Variants in ASTN2 observed in about 807,000 individuals in gnomAD.
ASTN2 encodes astrotactin-2.
ASTN2 carries 54 observed loss-of-function variants against 139.8 expected under a neutral mutation model. That is an observed-to-expected ratio of 0.39 (90% CI 0.31 to 0.48). The LOEUF is 0.48. ASTN2 is among the 20% of genes least tolerant of loss of function. The probability of loss-of-function intolerance (pLI) is 0.95; values close to 1 mark genes in which losing one functional copy is unlikely to be tolerated. For missense variants in ASTN2, 1,565 were observed against 1,725.1 expected, an observed-to-expected ratio of 0.91 and a Z score of 1.64; for synonymous variants, 756 against 719.5, an observed-to-expected ratio of 1.05 and a Z score of -0.81.
chr9:116,790,051 G>A (rs190066146), intron 13 of ASTN2, among the ~76,000 whole-genome samples: 80 of 149,118 alleles, frequency 5.4e-4, no homozygotes, highest in African/African-American at 1.8e-3. Context: ...TCAGCCTCCC[G>A]AGTAGTTTGG....
intron 20 of ASTN2, among the ~76,000 whole-genome samples, chr9:116,455,499 C>T (rs1848306959): frequency 6.6e-6 from 1 of 151,448 alleles, no homozygotes; most frequent in Non-Finnish European, 1.5e-5. Context: ...TACTAGTGTC[C>T]AAAAAGAAAT....
At chr9:117,298,717 TG>T (rs1834801688) in intron 1 of ASTN2, among the ~76,000 whole-genome samples, 1 of 144,698 alleles carries the variant, frequency 6.9e-6, no homozygotes, top group Non-Finnish European at 1.5e-5. Context: ...TGTGTGTGTG[TG>T]TGTGTGTGTG....
intron 19 of ASTN2, among the ~76,000 whole-genome samples, chr9:116,536,347 C>G (rs1277162773): frequency 2.6e-5 from 4 of 152,090 alleles, no homozygotes; most frequent in African/African-American, 9.7e-5. Flanking sequence ...AAGCCTTCTT[C>G]TCTCAACTCC....
intron 20 of ASTN2, among the ~76,000 whole-genome samples, chr9:116,484,538 A>T (rs1849277535): frequency 6.6e-6 from 1 of 152,168 alleles, no homozygotes; most frequent in Admixed American, 6.5e-5. Flanking sequence ...CTGACACTGG[A>T]ACTATTTTAA....
intron 11 of ASTN2, among the ~76,000 whole-genome samples, chr9:116,843,813 C>T (rs1456868013): frequency 1.3e-5 from 2 of 152,134 alleles, no homozygotes; most frequent in African/African-American, 4.8e-5. Context: ...TTATTGGGCA[C>T]TACGCTTAGT....
chr9:116,682,810 G>A (rs1367160650), intron 16 of ASTN2, among the ~76,000 whole-genome samples: 1 of 152,008 alleles, frequency 6.6e-6, no homozygotes, highest in South Asian at 2.1e-4. Context: ...CTCACTCATA[G>A]GTGGGAATTG....
intron 20 of ASTN2, among the ~76,000 whole-genome samples, chr9:116,482,147 A>T (rs1303681763): frequency 6.6e-6 from 1 of 152,164 alleles, no homozygotes; most frequent in Non-Finnish European, 1.5e-5. Context: ...TAACACGGTG[A>T]AACCCTGTCT....
intron 16 of ASTN2, among the ~76,000 whole-genome samples, chr9:116,671,019 C>A (rs913718889): frequency 2.6e-5 from 4 of 152,148 alleles, no homozygotes; most frequent in African/African-American, 9.6e-5. Flanking sequence ...GACATTTTTG[C>A]AATCTTATTT....
intron 19 of ASTN2, among the ~76,000 whole-genome samples, chr9:116,503,163 G>GGAAGGAA (rs1404544230): frequency 6.7e-6 from 1 of 150,232 alleles, no homozygotes; most frequent in African/African-American, 2.5e-5. Flanking sequence ...AAAGGAGAAA[G>GGAAGGAA]GAAGGAAGAA....
At chr9:116,454,887 C>T (rs896234003) in intron 20 of ASTN2, among the ~76,000 whole-genome samples, 1 of 151,956 alleles carries the variant, frequency 6.6e-6, no homozygotes, top group Non-Finnish European at 1.5e-5. Flanking sequence ...TGGGGCCTGT[C>T]GTGGTGTGGG....
At chr9:116,488,908 A>C (rs1046173718) in intron 19 of ASTN2, among the ~76,000 whole-genome samples, 1 of 152,252 alleles carries the variant, frequency 6.6e-6, no homozygotes, top group Non-Finnish European at 1.5e-5. Flanking sequence ...TAAATGGGCC[A>C]GACTAAATGG....
chr9:117,403,792 C>G (rs971886332), intron 1 of ASTN2, among the ~76,000 whole-genome samples: 1 of 152,138 alleles, frequency 6.6e-6, no homozygotes, highest in African/African-American at 2.4e-5. Context: ...GACTCAGTCT[C>G]TAAGAGCTCT....
intron 12 of ASTN2, among the ~76,000 whole-genome samples, chr9:116,815,334 C>CTGGA (rs1831280608): frequency 1.3e-5 from 2 of 152,062 alleles, no homozygotes; most frequent in Non-Finnish European, 2.9e-5. Flanking sequence ...CTATTTGAGG[C>CTGGA]TGGATGTGTT....
chr9:116,454,126 G>T (rs1477840114), intron 20 of ASTN2, among the ~76,000 whole-genome samples: 3 of 152,176 alleles, frequency 2.0e-5, no homozygotes, highest in Non-Finnish European at 4.4e-5. Context: ...CAAAGGAAGA[G>T]GGAACACTGA....
intron 7 of ASTN2, among the ~76,000 whole-genome samples, chr9:116,988,790 G>A (rs1404109344): frequency 2.0e-5 from 3 of 152,116 alleles, no homozygotes. Context: ...GGAGCTTAAA[G>A]GAATGTAGAT....
intron 19 of ASTN2, among the ~76,000 whole-genome samples, chr9:116,606,883 G>A (rs1369216822): frequency 2.0e-5 from 3 of 152,090 alleles, no homozygotes; most frequent in African/African-American, 7.2e-5. Flanking sequence ...GAGAAGTGGT[G>A]AAAAATAAAT....
intron 19 of ASTN2, among the ~76,000 whole-genome samples, chr9:116,592,307 A>G (rs1854409097): frequency 6.6e-6 from 1 of 152,170 alleles, no homozygotes; most frequent in Admixed American, 6.5e-5. Flanking sequence ...GAAACTTACA[A>G]TCATGGGCAG....
chr9:116,823,492 T>C (rs866196471), intron 11 of ASTN2, among the ~76,000 whole-genome samples: 1 of 152,272 alleles, frequency 6.6e-6, no homozygotes, highest in Middle Eastern at 3.4e-3. Context: ...AGGCAGGGCT[T>C]AGAGCTGATC....
chr9:116,972,931 A>G (rs1478276459), intron 10 of ASTN2, among the ~76,000 whole-genome samples: 2 of 152,168 alleles, frequency 1.3e-5, no homozygotes, highest in African/African-American at 4.8e-5. Context: ...GGCTATCTAT[A>G]ATTATGATCT....
Sources: allele counts gnomAD v4.1 joint callset (sites outside exome capture counted in the v4.1 genomes callset), GRCh38; gene constraint gnomAD v4.1.1; transcripts MANE v1.5; gene names NCBI Gene and HGNC (gene_info 2026-07-23, HGNC 2026-07-21).